PRUNE2: variants seen among roughly 807,000 people sequenced by gnomAD.
PRUNE2 encodes the protein protein prune homolog 2.
Under a neutral mutation model 252.0 loss-of-function variants are expected in PRUNE2, and 164 were observed. The ratio of observed to expected loss-of-function variants is 0.65; its 90% confidence interval spans 0.57 to 0.74. The LOEUF is 0.74. Among genes scored for constraint, PRUNE2 ranks in the 30% least tolerant of loss-of-function variants. The pLI is 0.00. For synonymous variants in PRUNE2, 1,292 were observed against 1,350.2 expected (o/e 0.96, Z 0.94); for missense variants, 3,495 against 3,711.0 (o/e 0.94, Z 1.51).
intron 6 of PRUNE2, among the ~76,000 whole-genome samples, chr9:76,783,256 C>T (rs940624829): frequency 3.3e-5 from 5 of 152,210 alleles, no homozygotes; most frequent in African/African-American, 1.2e-4. Context: ...CCTGCCTCAG[C>T]CTCCCAAGTA....
At chr9:76,637,586 C>T (rs771907444) in intron 13 of PRUNE2, 37 bp from the exon 14 acceptor site, 2 of 1,590,628 alleles carry the variant, frequency 1.3e-6, no homozygotes, top group Non-Finnish European at 1.7e-6. Context: ...TTTCAGTTCC[C>T]ACATCCTATT....
chr9:76,646,909 T>C (rs13298720), intron 11 of PRUNE2, among the ~76,000 whole-genome samples: 1 of 152,112 alleles, frequency 6.6e-6, no homozygotes, highest in Non-Finnish European at 1.5e-5. Flanking sequence ...AAATTTTTGA[T>C]TGGGTGTGGT....
intron 6 of PRUNE2, among the ~76,000 whole-genome samples, chr9:76,800,119 T>C (rs1262289139): frequency 6.6e-6 from 1 of 152,164 alleles, no homozygotes; most frequent in African/African-American, 2.4e-5. Flanking sequence ...GTTACACATG[T>C]ATACATGTGC....
intron 1 of PRUNE2, among the ~76,000 whole-genome samples, chr9:76,857,485 A>G (rs1407173187): frequency 6.6e-6 from 1 of 152,172 alleles, no homozygotes; most frequent in Non-Finnish European, 1.5e-5. Flanking sequence ...TTGTGCCACC[A>G]GTAAGCCCTG....
At chr9:76,802,992 T>G (rs774148082) in intron 6 of PRUNE2, among the ~76,000 whole-genome samples, 41 of 152,288 alleles carry the variant, frequency 2.7e-4, no homozygotes, top group Admixed American at 5.2e-4. Context: ...GTTCCAGAGA[T>G]ATCCAATATC....
intron 6 of PRUNE2, among the ~76,000 whole-genome samples, chr9:76,792,754 A>C (rs990607785): frequency 6.6e-6 from 1 of 152,134 alleles, no homozygotes; most frequent in African/African-American, 2.4e-5. Context: ...TAATTTGTAA[A>C]GATTCTTCAT....
At chr9:76,894,172 C>T (rs1287966458) in intron 1 of PRUNE2, among the ~76,000 whole-genome samples, 2 of 152,134 alleles carry the variant, frequency 1.3e-5, no homozygotes, top group Non-Finnish European at 2.9e-5. Context: ...TAAATTAATC[C>T]ACAAGAATCG....
chr9:76,882,810 G>C (rs950580707), intron 1 of PRUNE2, among the ~76,000 whole-genome samples: 2 of 152,152 alleles, frequency 1.3e-5, no homozygotes, highest in Non-Finnish European at 2.9e-5. Context: ...AATTGGTGGG[G>C]ACACATATCC....
intron 1 of PRUNE2, among the ~76,000 whole-genome samples, chr9:76,876,963 G>C (rs901373099): frequency 1.3e-5 from 2 of 152,144 alleles, no homozygotes; most frequent in African/African-American, 4.8e-5. Flanking sequence ...TTCTGGAAAA[G>C]AGGCAGGAGA....
At position 76,655,214 on chromosome 9, in the gene PRUNE2, C is replaced by A. The variant is rs529977091; in HGVS notation, c.8356+209G>T. Among the ~76,000 whole-genome samples, 26 of 152,296 alleles carry A rather than the reference C, an allele frequency of 1.7e-4. No homozygotes were observed. The South Asian group carries it at 5.4e-3, about 32-fold the overall frequency. ...AGGCTGTGGTCTAGGAGATAAAATG[C>A]AGCCCACACTAGCGAGCATCAGTAT... is the stretch of plus-strand genomic sequence containing the variant. On this transcript the variant is annotated intron_variant, in intron 10 of 18. Coordinates refer to ENST00000376718, the MANE Select transcript of PRUNE2 (RefSeq NM_015225.3).
intron 12 of PRUNE2, 83 bp downstream of exon 12, chr9:76,644,656 G>A (rs182940475): frequency 6.7e-5 from 88 of 1,310,656 alleles, no homozygotes; most frequent in East Asian, 4.6e-4. Context: ...GTCATGTTCC[G>A]GAGAAGTCTA....
chr9:76,866,869 A>G (rs1589668200), intron 1 of PRUNE2, among the ~76,000 whole-genome samples: 1 of 152,048 alleles, frequency 6.6e-6, no homozygotes, highest in East Asian at 1.9e-4. Flanking sequence ...GGATGGTCAG[A>G]AGGGAGGGAG....
intron 6 of PRUNE2, among the ~76,000 whole-genome samples, chr9:76,756,913 T>C (rs562070852): frequency 1.3e-3 from 173 of 133,822 alleles, no homozygotes; most frequent in African/African-American, 4.6e-3. Flanking sequence ...GAATAGCCAA[T>C]GCAAGCAAAG....
At chr9:76,696,673 G>A (rs1451232292) in intron 9 of PRUNE2, among the ~76,000 whole-genome samples, 1 of 152,136 alleles carries the variant, frequency 6.6e-6, no homozygotes, top group Non-Finnish European at 1.5e-5. Context: ...TGATCTGCCC[G>A]CCTTGGCCTC....
chr9:76,805,210 C>A (rs370006784), intron 6 of PRUNE2, among the ~76,000 whole-genome samples: 51 of 152,312 alleles, frequency 3.3e-4, no homozygotes, highest in Admixed American at 1.1e-3. Context: ...GGCCCCCCAC[C>A]GCATGCAAGT....
intron 6 of PRUNE2, among the ~76,000 whole-genome samples, chr9:76,756,149 G>A (rs903052062): frequency 2.0e-5 from 3 of 152,198 alleles, no homozygotes; most frequent in African/African-American, 7.2e-5. Flanking sequence ...GCTCTTCACA[G>A]AGCCATTTTG....
intron 1 of PRUNE2, among the ~76,000 whole-genome samples, chr9:76,865,933 T>G (rs1323409423): frequency 6.6e-6 from 1 of 152,094 alleles, no homozygotes; most frequent in African/African-American, 2.4e-5. Context: ...AAGTAATGGA[T>G]TTTATGAGTA....
Position 76,710,389 on chromosome 9 carries a change from G to C in PRUNE2, c.1885C>G (p.Leu629Val), listed in dbSNP as rs2046633541. 3.1e-6 allele frequency: 5 copies of C among 1,614,006 alleles called. No homozygotes were observed. Among genetic ancestry groups the C allele is most frequent in the Non-Finnish European group, 4.2e-6 (5 of 1,179,882 alleles). The stretch of plus-strand genomic sequence containing the variant: ...TTTTGGGTCATATCTTCTGTATAGA[G>C]TGAGGCTGGTTCTTCAGTGGATGGC... ...SSPSTEEPAS[L>V]YTEDMTQKAT... Residue 629 changes from leucine (L) to valine (V), a missense_variant, in exon 8 of 19, where the codon CTC becomes GTC. Leu to Val is a conservative substitution (Grantham distance 32, BLOSUM62 1). Transcript: ENST00000376718.
Position 76,614,317 on chromosome 9 carries a change from T to C in PRUNE2, c.*253A>G, listed in dbSNP as rs1828400415. 1.8e-6 allele frequency: 1 copy of C among 544,338 alleles called. No homozygotes were observed. Among genetic ancestry groups the C allele is most frequent in the Non-Finnish European group, 3.2e-6 (1 of 309,920 alleles). The allele number at this position is 544,338 out of a possible 1,614,324, so 33.7% of individuals were successfully genotyped here. A position where few individuals can be genotyped will look rare whatever the true frequency, so the allele number is the denominator to read the frequency against. On this transcript the variant is annotated 3_prime_UTR_variant, in exon 19 of 19. Coordinates refer to ENST00000376718, the MANE Select transcript of PRUNE2 (RefSeq NM_015225.3). ...ACACCGTGTTAATGAAGTATTGAAA[T>C]GGAAGGTCCTACTTTCTTGCTAAGG...
Sources: gnomAD v4.1 joint callset for allele counts (sites outside exome capture counted in the v4.1 genomes callset) on GRCh38, gnomAD v4.1.1 for gene constraint, MANE v1.5 for transcripts, NCBI Gene and HGNC (gene_info 2026-07-23, HGNC 2026-07-21) for gene names.